The following LPP variants were observed in gnomAD, a reference collection of about 807,000 sequenced individuals.
LPP encodes the protein LIM domain containing preferred translocation partner in lipoma.
Under a neutral mutation model 60.4 loss-of-function variants are expected in LPP, and 38 were observed. The observed-to-expected ratio is 0.63, with a 90% CI of 0.49 to 0.83. The LOEUF (loss-of-function observed/expected upper bound fraction) is 0.83, where lower values mean the gene tolerates loss of function less well. Ranked by LOEUF, LPP falls within the 40% of genes least tolerant of loss-of-function variation. The probability of loss-of-function intolerance (pLI) is 0.00; values close to 1 mark genes in which losing one functional copy is unlikely to be tolerated. For missense variants in LPP, 902 were observed against 783.6 expected, an observed-to-expected ratio of 1.15 and a Z score of -1.80; for synonymous variants, 328 against 290.8, an observed-to-expected ratio of 1.13 and a Z score of -1.30.
At chr3:188,757,823 G>A (rs1354020276) in intron 8 of LPP, among the ~76,000 whole-genome samples, 2 of 149,442 alleles carry the variant, frequency 1.3e-5, no homozygotes, top group Non-Finnish European at 3.0e-5. Context: ...AGGGTGGCAT[G>A]AAGCTGTTAG....
At chr3:188,787,608 T>G (rs993532129) in intron 9 of LPP, among the ~76,000 whole-genome samples, 2 of 152,208 alleles carry the variant, frequency 1.3e-5, no homozygotes, top group Admixed American at 6.5e-5. Flanking sequence ...CTTGAGCTCT[T>G]GCAGCATTTA....
chr3:188,665,914 T>TAA (rs1855696419), intron 7 of LPP, among the ~76,000 whole-genome samples: 3 of 152,256 alleles, frequency 2.0e-5, no homozygotes, highest in African/African-American at 7.2e-5. Context: ...ATTTAGTATA[T>TAA]AATTTTATCT....
At chr3:188,674,510 A>G (rs886405181) in intron 7 of LPP, among the ~76,000 whole-genome samples, 2 of 152,154 alleles carry the variant, frequency 1.3e-5, no homozygotes, top group African/African-American at 2.4e-5. Flanking sequence ...TAATTTGGGA[A>G]CCTCAATTGG....
intron 2 of LPP, among the ~76,000 whole-genome samples, chr3:188,310,221 T>C (rs921179596): frequency 7.9e-5 from 12 of 151,786 alleles, no homozygotes; most frequent in Non-Finnish European, 1.2e-4. Context: ...GTCTTTCTTT[T>C]TTTTTTTTTT....
At chr3:188,746,370 G>T in intron 8 of LPP, 1 of 449,738 alleles carries the variant, frequency 2.2e-6, no homozygotes. Context: ...ACGCTGAATA[G>T]ATGAAAGGAA....
At chr3:188,447,429 G>A (rs1194566849) in intron 4 of LPP, among the ~76,000 whole-genome samples, 1 of 151,938 alleles carries the variant, frequency 6.6e-6, no homozygotes, top group Non-Finnish European at 1.5e-5. Context: ...GCCCAACATG[G>A]TGAAACCCCG....
chr3:188,508,554 A>G (rs1814240650), intron 5 of LPP, among the ~76,000 whole-genome samples: 1 of 152,250 alleles, frequency 6.6e-6, no homozygotes, highest in African/African-American at 2.4e-5. Context: ...ACAGGGTGCT[A>G]TGAATAATGC....
At chr3:188,307,974 G>A (rs73190802) in intron 2 of LPP, among the ~76,000 whole-genome samples, 12,929 of 152,042 alleles carry the variant, frequency 0.085, 1,361 homozygotes, top group African/African-American at 0.25. Flanking sequence ...TGTAATTTCG[G>A]GAACGGGTAA....
chr3:188,172,680 G>T (rs1721924554), intron 1 of LPP, among the ~76,000 whole-genome samples: 1 of 152,064 alleles, frequency 6.6e-6, no homozygotes, highest in South Asian at 2.1e-4. Context: ...CCTCATTTTT[G>T]ATGTCTTACA....
At chr3:188,755,635 C>T (rs1429278041) in intron 8 of LPP, among the ~76,000 whole-genome samples, 1 of 151,716 alleles carries the variant, frequency 6.6e-6, no homozygotes, top group Non-Finnish European at 1.5e-5. Context: ...AAGACCCTAT[C>T]TGTACAGGAA....
intron 9 of LPP, among the ~76,000 whole-genome samples, chr3:188,843,523 C>A (rs547575501): frequency 6.6e-6 from 1 of 152,070 alleles, no homozygotes; most frequent in Non-Finnish European, 1.5e-5. Context: ...CGCGGTGGCT[C>A]ACGCCTGTAA....
At chr3:188,696,223 C>G (rs1256028182) in intron 7 of LPP, among the ~76,000 whole-genome samples, 1 of 96,910 alleles carries the variant, frequency 1.0e-5, no homozygotes, top group East Asian at 2.0e-4. Flanking sequence ...GCACACAGTA[C>G]TCTCTCTCTC....
intron 2 of LPP, among the ~76,000 whole-genome samples, chr3:188,332,752 G>A (rs1041766505): frequency 6.6e-6 from 1 of 152,150 alleles, no homozygotes; most frequent in African/African-American, 2.4e-5. Flanking sequence ...GCATTAAGAA[G>A]CTTCTTATCG....
At chr3:188,428,381 A>G (rs919598022) in intron 4 of LPP, among the ~76,000 whole-genome samples, 1 of 152,078 alleles carries the variant, frequency 6.6e-6, no homozygotes, top group African/African-American at 2.4e-5. Context: ...CCTAAGTCCC[A>G]TATTTTTCTT....
intron 3 of LPP, among the ~76,000 whole-genome samples, chr3:188,389,565 C>T (rs1779173860): frequency 6.6e-6 from 1 of 152,122 alleles, no homozygotes; most frequent in African/African-American, 2.4e-5. Context: ...CACCTGAGGT[C>T]AGGAGTTCGA....
intron 8 of LPP, among the ~76,000 whole-genome samples, chr3:188,742,822 C>A (rs549578822): frequency 1.3e-5 from 2 of 152,238 alleles, no homozygotes; most frequent in South Asian, 4.1e-4. Context: ...TTAGATTATA[C>A]CTCAACAAAG....
intron 4 of LPP, among the ~76,000 whole-genome samples, chr3:188,430,493 G>C (rs563627331): frequency 7.9e-5 from 12 of 151,996 alleles, no homozygotes; most frequent in Non-Finnish European, 1.6e-4. Context: ...CAGTTAATTG[G>C]AAAAGTGAAA....
intron 2 of LPP, among the ~76,000 whole-genome samples, chr3:188,250,776 T>TTCTGTCTTTCTTTC (rs1480360616): frequency 2.5e-5 from 3 of 121,760 alleles, no homozygotes; most frequent in African/African-American, 9.8e-5. Context: ...CTTTCTTTCT[T>TTCTGTCTTTCTTTC]TCTTTCTTTC....
chr3:188,453,465 TG>T (rs1797053251), intron 4 of LPP, among the ~76,000 whole-genome samples: 1 of 151,848 alleles, frequency 6.6e-6, no homozygotes, highest in African/African-American at 2.4e-5. Flanking sequence ...TCACAATGCC[TG>T]GGGGAATAAG....
Sources: gnomAD v4.1 joint callset for allele counts (sites outside exome capture counted in the v4.1 genomes callset) on GRCh38, gnomAD v4.1.1 for gene constraint, MANE v1.5 for transcripts, NCBI Gene and HGNC (gene_info 2026-07-23, HGNC 2026-07-21) for gene names.